MAP3K1: variants seen among roughly 807,000 people sequenced by gnomAD.
The protein encoded by MAP3K1 is MAP/ERK kinase kinase 1.
Under a neutral mutation model 144.2 loss-of-function variants are expected in MAP3K1, and 36 were observed. The observed-to-expected ratio is 0.25, with a 90% CI of 0.19 to 0.33. The LOEUF is 0.33. Ranked by LOEUF, MAP3K1 falls within the 10% of genes least tolerant of loss-of-function variation. MAP3K1 has a pLI of 1.00. For missense variants in MAP3K1, 1,650 were observed against 1,881.9 expected, an observed-to-expected ratio of 0.88 and a Z score of 2.28; for synonymous variants, 718 against 688.7, an observed-to-expected ratio of 1.04 and a Z score of -0.67.
Position 56,887,395 on chromosome 5 carries a change from G to C in MAP3K1, c.4132G>C (p.Asp1378His), listed in dbSNP as rs2111961690. 6.2e-7 allele frequency: 1 copy of C among 1,614,114 alleles called. No individual in the cohort carries two copies. The highest frequency in any genetic ancestry group is 8.5e-7 in the Non-Finnish European group (1 of 1,180,008). ...GTTGACAGGTGCCAATTTGCTAATT[G>C]ACAGCACTGGTCAGAGACTAAGAAT... ...RDVKGANLLIDSTGQRLRIAD... is the reference protein window; with the variant it reads ...RDVKGANLLIHSTGQRLRIAD... Residue 1378 changes from aspartate (D) to histidine (H), a missense_variant, in exon 18 of 20, where the codon GAC becomes CAC. Physicochemically the swap from Asp to His is moderately conservative, Grantham distance 81. Coordinates refer to ENST00000399503, the MANE Select transcript of MAP3K1 (RefSeq NM_005921.2).
At chr5:56,830,490 G>A (rs1746453111) in intron 1 of MAP3K1, among the ~76,000 whole-genome samples, 1 of 152,078 alleles carries the variant, frequency 6.6e-6, no homozygotes, top group African/African-American at 2.4e-5. Context: ...TGACCAAGTT[G>A]TTTTGGGACT....
intron 19 of MAP3K1, among the ~76,000 whole-genome samples, chr5:56,891,900 G>C (rs528779008): frequency 2.6e-5 from 4 of 152,264 alleles, no homozygotes; most frequent in South Asian, 2.1e-4. Context: ...CTATATCTCT[G>C]TTTTGGCACC....
At chr5:56,830,607 T>G (rs943196184) in intron 1 of MAP3K1, among the ~76,000 whole-genome samples, 1 of 152,204 alleles carries the variant, frequency 6.6e-6, no homozygotes, top group African/African-American at 2.4e-5. Flanking sequence ...AGTTCTTTAT[T>G]TAAAAATAAA....
At chr5:56,871,479 A>G (rs1042648926) in intron 6 of MAP3K1, among the ~76,000 whole-genome samples, 2 of 152,192 alleles carry the variant, frequency 1.3e-5, no homozygotes, top group Admixed American at 1.3e-4. Context: ...GCCACCAGAA[A>G]TTTCTGAAAT....
At chr5:56,862,846 A>G (rs1424841048) in intron 3 of MAP3K1, among the ~76,000 whole-genome samples, 2 of 152,232 alleles carry the variant, frequency 1.3e-5, no homozygotes, top group Non-Finnish European at 2.9e-5. Flanking sequence ...CTACTGTACA[A>G]TTCACCTGTT....
intron 1 of MAP3K1, among the ~76,000 whole-genome samples, chr5:56,839,726 G>A (rs1158862130): frequency 6.6e-6 from 1 of 152,118 alleles, no homozygotes; most frequent in Non-Finnish European, 1.5e-5. Flanking sequence ...AGATGTGCAC[G>A]TTAGGTTCAT....
At chr5:56,821,321 C>G (rs1004136627) in intron 1 of MAP3K1, among the ~76,000 whole-genome samples, 9 of 152,154 alleles carry the variant, frequency 5.9e-5, no homozygotes, top group African/African-American at 2.2e-4. Context: ...TTAAAACTCA[C>G]CAAGTGTATA....
chr5:56,849,353 T>TTA (rs1323129394), intron 1 of MAP3K1, among the ~76,000 whole-genome samples: 1 of 145,290 alleles, frequency 6.9e-6, no homozygotes, highest in Non-Finnish European at 1.5e-5. Flanking sequence ...TCTCTGTCTT[T>TTA]AAAAAAAAAA....
chr5:56,860,132 C>T (rs185188775), intron 3 of MAP3K1, among the ~76,000 whole-genome samples: 337 of 152,190 alleles, frequency 2.2e-3, no homozygotes, highest in Middle Eastern at 6.8e-3. Context: ...GCCTCTTTCC[C>T]TGCATTGATA....
At chr5:56,879,646 A>G (rs1748146905) in intron 11 of MAP3K1, among the ~76,000 whole-genome samples, 1 of 152,210 alleles carries the variant, frequency 6.6e-6, no homozygotes, top group African/African-American at 2.4e-5. Context: ...CTGGAAAGAA[A>G]AATATGAAGT....
At chr5:56,829,822 ATAAG>A (rs2111777586) in intron 1 of MAP3K1, among the ~76,000 whole-genome samples, 2 of 152,326 alleles carry the variant, frequency 1.3e-5, no homozygotes, top group South Asian at 4.1e-4. Context: ...TTACCAGTAA[ATAAG>A]GCAGCTAAGC....
chr5:56,861,456 CA>C (rs1273356312), intron 3 of MAP3K1, among the ~76,000 whole-genome samples: 1 of 151,672 alleles, frequency 6.6e-6, no homozygotes, highest in African/African-American at 2.4e-5. Flanking sequence ...CCTGTAATCC[CA>C]GCTACTTTGG....
chr5:56,841,882 G>C (rs946129567), intron 1 of MAP3K1: 1 of 152,130 alleles, frequency 6.6e-6, no homozygotes, highest in Non-Finnish European at 1.5e-5. Context: ...CTTTAGTTCC[G>C]TGAAGCTTCC....
intron 17 of MAP3K1, 147 bp downstream of exon 17, chr5:56,886,210 C>T: frequency 1.6e-6 from 1 of 641,810 alleles, no homozygotes; most frequent in Non-Finnish European, 2.8e-6. Flanking sequence ...TCGAGACCAG[C>T]CAGGCCAACA....
At chr5:56,845,540 G>T (rs16886407) in intron 1 of MAP3K1, among the ~76,000 whole-genome samples, 15,120 of 152,140 alleles carry the variant, frequency 0.099, 1,216 homozygotes, top group East Asian at 0.34. Flanking sequence ...GTCTCTCTAG[G>T]TTTATGCATC....
At position 56,839,072 on chromosome 5, in the gene MAP3K1, G is replaced by C. The variant is rs529987935; in HGVS notation, c.483-17528G>C. Among the ~76,000 whole-genome samples the C allele has an allele frequency of 2.6e-5, 4 of 152,274 alleles. No homozygotes were observed. In the South Asian group the frequency reaches 8.3e-4, roughly 32 times the overall value. ...ATTGCTTGATCACAACTTGGCCATA[G>C]GTCAGTGGAGGGATTCCTGAGGTCA... On this transcript the variant is annotated intron_variant, in intron 1 of 19. Transcript: ENST00000399503.
chr5:56,861,263 A>G (rs1334255005), intron 3 of MAP3K1, among the ~76,000 whole-genome samples: 1 of 152,180 alleles, frequency 6.6e-6, no homozygotes, highest in Non-Finnish European at 1.5e-5. Flanking sequence ...GAGCTTTGGT[A>G]TAGTACCAAA....
At chr5:56,825,013 TTTG>T (rs1490980011) in intron 1 of MAP3K1, among the ~76,000 whole-genome samples, 1 of 152,102 alleles carries the variant, frequency 6.6e-6, no homozygotes, top group East Asian at 1.9e-4. Flanking sequence ...TTCTTCTTTT[TTTG>T]TTGTTGTTGA....
chr5:56,884,556 C>A, intron 15 of MAP3K1, 108 bp from the exon 16 acceptor site: 1 of 986,236 alleles, frequency 1.0e-6, no homozygotes, highest in Non-Finnish European at 1.6e-6. Flanking sequence ...CATCCATAAG[C>A]ATAAATGCCA....
Sources: gnomAD v4.1 joint callset for allele counts (sites outside exome capture counted in the v4.1 genomes callset) on GRCh38, gnomAD v4.1.1 for gene constraint, MANE v1.5 for transcripts, NCBI Gene and HGNC (gene_info 2026-07-23, HGNC 2026-07-21) for gene names.